The following NTSR1 variants were observed in gnomAD, a reference collection of about 807,000 sequenced individuals.
The protein encoded by NTSR1 is neurotensin receptor type 1.
A neutral mutation model predicts 31.2 loss-of-function variants in NTSR1; 29 were observed. That is an observed-to-expected ratio of 0.93 (90% CI 0.69 to 1.27). The LOEUF is 1.27. Ranked by LOEUF, NTSR1 falls within the 50% of genes most tolerant of loss-of-function variation. The probability of loss-of-function intolerance (pLI) is 0.00; values close to 1 mark genes in which losing one functional copy is unlikely to be tolerated. For synonymous variants in NTSR1, 282 were observed against 269.9 expected (o/e 1.04, Z -0.44); for missense variants, 697 against 595.4 (o/e 1.17, Z -1.78).
intron 1 of NTSR1, among the ~76,000 whole-genome samples, chr20:62,747,082 TCAG>T (rs1253311951): frequency 6.6e-6 from 1 of 152,226 alleles, no homozygotes; most frequent in Admixed American, 6.5e-5. Context: ...GAAACACAGT[TCAG>T]CACATATGAA....
At chr20:62,710,812 C>T (rs779534087) in intron 1 of NTSR1, among the ~76,000 whole-genome samples, 3 of 152,094 alleles carry the variant, frequency 2.0e-5, no homozygotes, top group Non-Finnish European at 2.9e-5. Context: ...CAGGGCCGGT[C>T]GGGAACTTTG....
rs1488225068 is a variant in NTSR1 at position 62,711,223 on chromosome 20, G to A, written c.714+1302G>A. On this transcript the variant is annotated intron_variant, in intron 1 of 3. Coordinates refer to ENST00000370501, the MANE Select transcript of NTSR1 (RefSeq NM_002531.3). The surrounding 1 kb of genome is among the most constrained non-coding windows in gnomAD (Gnocchi z 6.4). The stretch of plus-strand genomic sequence containing the variant: ...CTGGTGGCTACAGGTGTCCCATCTC[G>A]GGGAGGCCCCTCCCACAGACACTGG... Among the ~76,000 whole-genome samples, 1 of 152,168 alleles carries A rather than the reference G, an allele frequency of 6.6e-6. No homozygotes were observed. The highest frequency in any genetic ancestry group is 1.5e-5 in the Non-Finnish European group (1 of 68,006).
At chr20:62,723,426 C>T (rs1057123868) in intron 1 of NTSR1, among the ~76,000 whole-genome samples, 4 of 152,178 alleles carry the variant, frequency 2.6e-5, no homozygotes, top group Non-Finnish European at 5.9e-5. Flanking sequence ...TAGAGCCGTC[C>T]GGAATGTGCT....
chr20:62,710,175 T>A (rs1185073235), intron 1 of NTSR1, among the ~76,000 whole-genome samples: 2 of 152,204 alleles, frequency 1.3e-5, no homozygotes, highest in African/African-American at 4.8e-5. Context: ...GCCTCGGACA[T>A]CTCTGAATTC....
At position 62,715,529 on chromosome 20, in the gene NTSR1, TG is replaced by T. The variant is rs1568695852; in HGVS notation, c.714+5610del. On this transcript the variant is annotated intron_variant, in intron 1 of 3. Coordinates refer to ENST00000370501, the MANE Select transcript of NTSR1 (RefSeq NM_002531.3). This position sits in a 1 kb window ranked among gnomAD's most constrained non-coding sequence, Gnocchi z 4.7. Reference sequence around the variant, plus strand: ...GGTGGGAACGTGAGGGGCCCAGAGCTGGCCATGGCTGGCTCTGACTGGGCTT... The same window carrying T: ...GGTGGGAACGTGAGGGGCCCAGAGCTGCCATGGCTGGCTCTGACTGGGCTT... Among the ~76,000 whole-genome samples the T allele has an allele frequency of 6.6e-6, 1 of 152,228 alleles. No homozygotes were observed. The highest frequency in any genetic ancestry group is 1.5e-5 in the Non-Finnish European group (1 of 68,026).
At chr20:62,757,774 C>T (rs1027326778) in intron 2 of NTSR1, among the ~76,000 whole-genome samples, 2 of 152,032 alleles carry the variant, frequency 1.3e-5, no homozygotes, top group African/African-American at 4.8e-5. Context: ...CAGTGTCTAC[C>T]TCCCTCAGCC....
chr20:62,760,170 G>C lies in NTSR1; in HGVS notation c.1160G>C (p.Arg387Pro). The C allele has an allele frequency of 6.2e-7, 1 of 1,614,086 alleles. No homozygotes were observed. Among genetic ancestry groups the C allele is most frequent in the African/African-American group, 1.3e-5 (1 of 75,046 alleles). ...ATLACLCPVW[R>P]RRRKRPAFSR... is the part of the protein sequence containing the mutation. ...CTGGCCTGCCTCTGCCCGGTGTGGC[G>C]GCGCAGGAGGAAGAGGCCAGCCTTC... The change falls in exon 4 of 4, where the codon CGG (arginine) becomes CCG (proline). Residue 387 changes from arginine (R) to proline (P), a missense_variant. Transcript: ENST00000370501.
chr20:62,759,507 G>A (rs1989572103), intron 3 of NTSR1, among the ~76,000 whole-genome samples: 1 of 152,326 alleles, frequency 6.6e-6, no homozygotes, highest in East Asian at 1.9e-4. Context: ...GGACACGGTG[G>A]CTCACGCCTG....
chr20:62,710,630 G>A (rs1038699496), intron 1 of NTSR1, among the ~76,000 whole-genome samples: 13 of 152,178 alleles, frequency 8.5e-5, no homozygotes, highest in Admixed American at 1.3e-4. Context: ...AACTGGAGCC[G>A]AGTGACTAAG....
rs1989556501 is a variant in NTSR1, at chr20:62,758,570, G to A, written c.1007+214G>A. Among the ~76,000 whole-genome samples the A allele has an allele frequency of 6.6e-6, 1 of 152,154 alleles. No individual in the cohort carries two copies. Among genetic ancestry groups the A allele is most frequent in the East Asian group, 1.9e-4 (1 of 5,180 alleles). ...CAGGGGCTATTCAGGCCAGACTGGT[G>A]CAGAGAAAGAAAGTTGGTCCTAAGA... is the stretch of plus-strand genomic sequence containing the variant. On this transcript the variant is annotated intron_variant, in intron 3 of 3. Coordinates refer to ENST00000370501, the MANE Select transcript of NTSR1 (RefSeq NM_002531.3). This position sits in a 1 kb window ranked among gnomAD's most constrained non-coding sequence, Gnocchi z 4.5.
Position 62,745,080 on chromosome 20 carries a change from C to T in NTSR1, c.715-9605C>T, listed in dbSNP as rs1989275517. On this transcript the variant is annotated intron_variant, in intron 1 of 3. Transcript: ENST00000370501. The surrounding 1 kb of genome is among the most constrained non-coding windows in gnomAD (Gnocchi z 4.1). ...AACATCCACCCCTAAAACCTCAGAC[C>T]CAGCCACTGAGGCCCATGGCCCAGA... 6.6e-6 allele frequency among the ~76,000 whole-genome samples: 1 copy of T among 152,152 alleles called. No individual in the cohort carries two copies. Among genetic ancestry groups the T allele is most frequent in the Non-Finnish European group, 1.5e-5 (1 of 68,030 alleles).
rs1988560852 is a variant in NTSR1 at position 62,709,638 on chromosome 20, A to G, written c.431A>G (p.Tyr144Cys). The change falls in exon 1 of 4, where the codon TAC becomes TGC. Residue 144 changes from tyrosine (Y) to cysteine (C), a missense_variant. Coordinates refer to ENST00000370501, the MANE Select transcript of NTSR1 (RefSeq NM_002531.3). ...WAFGDAGCRG[Y>C]YFLRDACTYA... ...TTCGGCGACGCCGGCTGCCGCGGCT[A>G]CTACTTCCTGCGCGACGCCTGCACC... The G allele has an allele frequency of 2.5e-6, 4 of 1,612,014 alleles. No individual in the cohort carries two copies. The highest frequency in any genetic ancestry group is 1.3e-5 in the African/African-American group (1 of 74,928).
chr20:62,740,056 C>T (rs916284255), intron 1 of NTSR1, among the ~76,000 whole-genome samples: 2 of 152,258 alleles, frequency 1.3e-5, no homozygotes, highest in African/African-American at 4.8e-5. Flanking sequence ...ACAAACTCCC[C>T]GGAAACCCAG....
rs1988698616 is a variant in NTSR1, at chr20:62,715,520, G to A, written c.714+5599G>A. The stretch of plus-strand genomic sequence containing the variant: ...ATGGGCAAGGGTGGGAACGTGAGGG[G>A]CCCAGAGCTGGCCATGGCTGGCTCT... On this transcript the variant is annotated intron_variant, in intron 1 of 3. Transcript: ENST00000370501. This position sits in a 1 kb window ranked among gnomAD's most constrained non-coding sequence, Gnocchi z 4.7. Among the ~76,000 whole-genome samples, 1 of 152,226 alleles carries A rather than the reference G, an allele frequency of 6.6e-6. No homozygotes were observed. The highest frequency in any genetic ancestry group is 6.5e-5 in the Admixed American group (1 of 15,288).
chr20:62,710,828 C>A lies in NTSR1; in HGVS notation c.714+907C>A, dbSNP rs145040994. 1.9e-3 allele frequency among the ~76,000 whole-genome samples: 283 copies of A among 152,262 alleles called. 4 individuals carry two copies. Among genetic ancestry groups the A allele is most frequent in the African/African-American group, 5.2e-3 (216 of 41,536 alleles). On this transcript the variant is annotated intron_variant, in intron 1 of 3. Coordinates refer to ENST00000370501, the MANE Select transcript of NTSR1 (RefSeq NM_002531.3). ...AGGGCCGGTCGGGAACTTTGAAAGGCATCTTGGAAATGAGCAGCCTTAGAA... is the reference window on the plus strand; with the variant it reads ...AGGGCCGGTCGGGAACTTTGAAAGGAATCTTGGAAATGAGCAGCCTTAGAA...
intron 1 of NTSR1, among the ~76,000 whole-genome samples, chr20:62,740,653 A>C (rs1234923443): frequency 6.6e-6 from 1 of 152,208 alleles, no homozygotes; most frequent in Non-Finnish European, 1.5e-5. Context: ...CAGGAGTGCG[A>C]GGCCCTACCA....
intron 1 of NTSR1, among the ~76,000 whole-genome samples, chr20:62,724,672 G>A (rs909100743): frequency 6.6e-6 from 1 of 152,170 alleles, no homozygotes; most frequent in Admixed American, 6.5e-5. Context: ...GGTCTCCTGG[G>A]CAGGCACTGG....
chr20:62,723,332 T>G (rs1253863248), intron 1 of NTSR1, among the ~76,000 whole-genome samples: 1 of 152,136 alleles, frequency 6.6e-6, no homozygotes, highest in Non-Finnish European at 1.5e-5. Context: ...CCCAGTTGAT[T>G]GGCAGAATCA....
At chr20:62,736,343 C>T (rs554724701) in intron 1 of NTSR1, among the ~76,000 whole-genome samples, 2 of 152,326 alleles carry the variant, frequency 1.3e-5, no homozygotes, top group Admixed American at 6.5e-5. Flanking sequence ...TACCCTCAGG[C>T]GCAATGCCCT....
Sources: allele counts gnomAD v4.1 joint callset (sites outside exome capture counted in the v4.1 genomes callset), GRCh38; gene constraint gnomAD v4.1.1; non-coding constraint Gnocchi (gnomAD v3.1); transcripts MANE v1.5; gene names NCBI Gene and HGNC (gene_info 2026-07-23, HGNC 2026-07-21).